Variants in STAP1 observed in about 807,000 individuals in gnomAD.
STAP1 encodes signal-transducing adaptor protein 1.
In STAP1, 30 loss-of-function variants were observed where a neutral mutation model predicts 37.8. The observed-to-expected ratio is 0.79, with a 90% CI of 0.59 to 1.08. The LOEUF (loss-of-function observed/expected upper bound fraction) is 1.08. Among genes scored for constraint, STAP1 ranks in the 50% least tolerant of loss-of-function variants. STAP1 has a pLI of 0.00. For synonymous variants in STAP1, 130 were observed against 116.0 expected (o/e 1.12, Z -0.78); for missense variants, 357 against 349.4 (o/e 1.02, Z -0.17).
chr4:67,595,783 TC>T (rs1728211405), intron 8 of STAP1, among the ~76,000 whole-genome samples: 1 of 152,208 alleles, frequency 6.6e-6, no homozygotes, highest in Non-Finnish European at 1.5e-5. Context: ...AATTTTAGAA[TC>T]ATCCTGTTGC....
intron 2 of STAP1, among the ~76,000 whole-genome samples, chr4:67,572,835 T>G (rs1727636246): frequency 6.6e-6 from 1 of 152,106 alleles, no homozygotes; most frequent in African/African-American, 2.4e-5. Context: ...GCTTTATAGA[T>G]GAGATTAGTG....
chr4:67,595,372 CAAAAAAAAAAAAAAA>C (rs34185676), intron 8 of STAP1, among the ~76,000 whole-genome samples: 3 of 87,806 alleles, frequency 3.4e-5, no homozygotes, highest in African/African-American at 9.1e-5. Flanking sequence ...TTCGTTTCTA[CAAAAAAAAAAAAAAA>C]AAAAAAAAAA....
At chr4:67,578,533 A>G (rs984520422) in intron 4 of STAP1, among the ~76,000 whole-genome samples, 1 of 151,670 alleles carries the variant, frequency 6.6e-6, no homozygotes, top group Admixed American at 6.6e-5. Flanking sequence ...TGAGAGGGAG[A>G]GGAAGGAATC....
intron 6 of STAP1, 62 bp downstream of exon 6, chr4:67,583,764 C>T: frequency 6.4e-7 from 1 of 1,561,268 alleles, no homozygotes; most frequent in Non-Finnish European, 8.7e-7. Context: ...AAATACAAGT[C>T]CAGATCAGCA....
intron 8 of STAP1, among the ~76,000 whole-genome samples, chr4:67,605,032 A>C (rs1728420692): frequency 6.6e-6 from 1 of 152,190 alleles, no homozygotes; most frequent in Admixed American, 6.5e-5. Flanking sequence ...ACACAGAACT[A>C]GGAAATAACT....
intron 3 of STAP1, among the ~76,000 whole-genome samples, 189 bp downstream of exon 3, chr4:67,575,687 CAT>C (rs1218771356): frequency 6.6e-6 from 1 of 152,164 alleles, no homozygotes; most frequent in Non-Finnish European, 1.5e-5. Flanking sequence ...ACTTGTTTAG[CAT>C]ACAAGCGCCA....
chr4:67,587,135 G>T (rs187500755), intron 6 of STAP1, among the ~76,000 whole-genome samples: 2 of 152,256 alleles, frequency 1.3e-5, no homozygotes, highest in African/African-American at 2.4e-5. Flanking sequence ...CAGAGTATTA[G>T]AATTTTAGCT....
At chr4:67,568,698 T>C (rs1042929681) in intron 1 of STAP1, among the ~76,000 whole-genome samples, 1 of 152,222 alleles carries the variant, frequency 6.6e-6, no homozygotes, top group Admixed American at 6.5e-5. Flanking sequence ...TGTTCAATTA[T>C]CAATTTCTCA....
chr4:67,583,454 C>A, intron 5 of STAP1, 120 bp from the exon 6 acceptor site: 3 of 1,025,692 alleles, frequency 2.9e-6, no homozygotes, highest in South Asian at 1.8e-5. Context: ...ATAATCAAAC[C>A]GGAAGTTTTA....
At chr4:67,591,289 C>T (rs1244268105) in intron 7 of STAP1, among the ~76,000 whole-genome samples, 1 of 152,078 alleles carries the variant, frequency 6.6e-6, no homozygotes, top group East Asian at 1.9e-4. Flanking sequence ...ATGCCTAATC[C>T]TCTAATACCT....
At chr4:67,562,313 G>C (rs1346132487) in intron 1 of STAP1, among the ~76,000 whole-genome samples, 8 of 151,532 alleles carry the variant, frequency 5.3e-5, no homozygotes. Context: ...CTGCACTCCA[G>C]CCTGGGTGAC....
chr4:67,598,905 T>A (rs1560467735), intron 8 of STAP1, among the ~76,000 whole-genome samples: 1 of 152,238 alleles, frequency 6.6e-6, no homozygotes, highest in African/African-American at 2.4e-5. Flanking sequence ...TTCCATAGTT[T>A]CATAGTTTCA....
intron 4 of STAP1, among the ~76,000 whole-genome samples, chr4:67,580,014 T>A (rs137948400): frequency 6.6e-6 from 1 of 152,186 alleles, no homozygotes; most frequent in Non-Finnish European, 1.5e-5. Flanking sequence ...TACAGGCACA[T>A]GCCACCCAAA....
chr4:67,581,512 A>G lies in STAP1; in HGVS notation c.530+41A>G, dbSNP rs554788699. 3 of 1,564,230 alleles carry G rather than the reference A, an allele frequency of 1.9e-6. No homozygotes were observed. In the Admixed American group the frequency reaches 5.8e-5, roughly 30 times the overall value. On this transcript the variant is annotated intron_variant, in intron 5 of 8. Coordinates refer to ENST00000265404, the MANE Select transcript of STAP1 (RefSeq NM_012108.4). ...ACTGCAGTTTATTCATTCGATTGTTAAAACTAATTTCTAATTATAAAGGAG... is the reference window on the plus strand; with the variant it reads ...ACTGCAGTTTATTCATTCGATTGTTGAAACTAATTTCTAATTATAAAGGAG...
intron 7 of STAP1, among the ~76,000 whole-genome samples, 190 bp downstream of exon 7, chr4:67,591,143 C>A (rs909942665): frequency 6.6e-6 from 1 of 152,088 alleles, no homozygotes; most frequent in Non-Finnish European, 1.5e-5. Context: ...TTCCACTTTT[C>A]TTTTTCTGCA....
At chr4:67,584,826 A>T (rs1727946174) in intron 6 of STAP1, among the ~76,000 whole-genome samples, 1 of 152,204 alleles carries the variant, frequency 6.6e-6, no homozygotes, top group African/African-American at 2.4e-5. Flanking sequence ...AGATCATTGT[A>T]GGGACAAGGG....
At chr4:67,581,858 A>G (rs1448311320) in intron 5 of STAP1, among the ~76,000 whole-genome samples, 3 of 152,250 alleles carry the variant, frequency 2.0e-5, no homozygotes, top group Non-Finnish European at 4.4e-5. Context: ...AGAATGTTCT[A>G]TTCAACTGAC....
chr4:67,568,647 C>T (rs376488361), intron 1 of STAP1, among the ~76,000 whole-genome samples: 12 of 151,896 alleles, frequency 7.9e-5, no homozygotes, highest in African/African-American at 2.7e-4. Flanking sequence ...AAATATTCAC[C>T]ACATCAATAA....
chr4:67,583,637 A>G lies in STAP1; in HGVS notation c.594A>G (p.Gly198=), dbSNP rs1727915348. The change falls in exon 6 of 9, where the codon GGA becomes GGG. Residue 198 remains glycine (G), a synonymous_variant. Transcript: ENST00000265404. ...TEMLQKNPSL[G]NMILRPGSDS... ...TGCTCCAGAAGAACCCTTCTTTGGG[A>G]AATATGATCCTGAGGCCTGGTAGTG... The G allele has an allele frequency of 1.2e-6, 2 of 1,614,042 alleles. No individual in the cohort carries two copies. The highest frequency in any genetic ancestry group is 8.5e-7 in the Non-Finnish European group (1 of 1,179,944).
Sources: gnomAD v4.1 joint callset for allele counts (sites outside exome capture counted in the v4.1 genomes callset) on GRCh38, gnomAD v4.1.1 for gene constraint, MANE v1.5 for transcripts, NCBI Gene and HGNC (gene_info 2026-07-23, HGNC 2026-07-21) for gene names.